Variants in SUCLG2 observed in about 807,000 individuals in gnomAD.
SUCLG2 encodes the protein succinate-CoA ligase GDP-forming subunit beta.
SUCLG2 carries 42 observed loss-of-function variants against 47.9 expected under a neutral mutation model. That is an observed-to-expected ratio of 0.88 (90% CI 0.69 to 1.14). The LOEUF (loss-of-function observed/expected upper bound fraction) is 1.14, where lower values mean the gene tolerates loss of function less well. SUCLG2 is among the 50% of genes most tolerant of loss of function. The pLI is 0.00. For missense variants in SUCLG2, 571 were observed against 525.9 expected, an observed-to-expected ratio of 1.09 and a Z score of -0.84; for synonymous variants, 195 against 197.3, an observed-to-expected ratio of 0.99 and a Z score of 0.10.
At chr3:67,409,006 C>T (rs1311885499) in intron 9 of SUCLG2, 14 of 1,535,142 alleles carry the variant, frequency 9.1e-6, no homozygotes, top group Non-Finnish European at 1.2e-5. Flanking sequence ...TTCTGGTGCC[C>T]AAGTATTTCT....
At chr3:67,511,802 T>A (rs1406339081) in intron 6 of SUCLG2, among the ~76,000 whole-genome samples, 1 of 151,192 alleles carries the variant, frequency 6.6e-6, no homozygotes, top group Non-Finnish European at 1.5e-5. Flanking sequence ...TCTATTGAGA[T>A]TTTGGTCCCT....
chr3:67,469,282 C>T (rs1704545650), intron 9 of SUCLG2, among the ~76,000 whole-genome samples: 1 of 152,154 alleles, frequency 6.6e-6, no homozygotes, highest in Admixed American at 6.5e-5. Flanking sequence ...TTTGTGGCCA[C>T]TGTGACTGTC....
chr3:67,520,663 A>T (rs748225393), intron 4 of SUCLG2, 29 bp from the exon 5 acceptor site: 2 of 1,588,832 alleles, frequency 1.3e-6, no homozygotes, highest in South Asian at 2.3e-5. Context: ...AGTCAAATTA[A>T]TTCAGCATTA....
chr3:67,527,579 G>A (rs1266286895), intron 4 of SUCLG2, among the ~76,000 whole-genome samples: 1 of 152,090 alleles, frequency 6.6e-6, no homozygotes. Context: ...TTTCCTCTGG[G>A]CTTTATTTTC....
intron 9 of SUCLG2, among the ~76,000 whole-genome samples, chr3:67,455,728 A>G (rs1196872219): frequency 6.6e-6 from 1 of 152,146 alleles, no homozygotes; most frequent in African/African-American, 2.4e-5. Flanking sequence ...CTTAGGGAAT[A>G]TGGCAGAGAA....
chr3:67,603,741 T>A (rs2107302108), intron 2 of SUCLG2, among the ~76,000 whole-genome samples: 1 of 152,354 alleles, frequency 6.6e-6, no homozygotes, highest in South Asian at 2.1e-4. Flanking sequence ...ATCCTAGATA[T>A]GTTTCATCTA....
chr3:67,442,261 C>T (rs569008939), intron 9 of SUCLG2, among the ~76,000 whole-genome samples: 4 of 152,246 alleles, frequency 2.6e-5, no homozygotes, highest in Non-Finnish European at 4.4e-5. Flanking sequence ...CCGCCCGCCT[C>T]GGCCTCCCAA....
intron 9 of SUCLG2, among the ~76,000 whole-genome samples, chr3:67,442,097 A>G (rs6548547): frequency 0.56 from 75,519 of 134,324 alleles, 21,262 homozygotes; most frequent in Non-Finnish European, 0.61. Flanking sequence ...TGCAAGCTCC[A>G]CCTCCCGGGT....
intron 10 of SUCLG2, among the ~76,000 whole-genome samples, chr3:67,381,414 C>T (rs974232718): frequency 6.6e-6 from 1 of 152,108 alleles, no homozygotes; most frequent in African/African-American, 2.4e-5. Context: ...CCTCTCCCTG[C>T]CTTTACTTCT....
At chr3:67,609,341 G>A (rs562905261) in intron 2 of SUCLG2, 114 bp downstream of exon 2, 12 of 1,264,056 alleles carry the variant, frequency 9.5e-6, no homozygotes, top group South Asian at 7.2e-5. Context: ...GCTCTCCCCT[G>A]TATCTGTCCC....
Position 67,610,491 on chromosome 3 carries a change from C to T in SUCLG2, c.85-895G>A, listed in dbSNP as rs1401618803. ...AGTATTCCCTACCAAATCTGTAAGCCCCATTTTTAAAAGAAGGAAAAAAAA... is the reference window on the plus strand; with the variant it reads ...AGTATTCCCTACCAAATCTGTAAGCTCCATTTTTAAAAGAAGGAAAAAAAA... On this transcript the variant is annotated intron_variant, in intron 1 of 10. Coordinates refer to ENST00000307227, the MANE Select transcript of SUCLG2 (RefSeq NM_003848.4). Among the ~76,000 whole-genome samples, 5 of 151,310 alleles carry T rather than the reference C, an allele frequency of 3.3e-5. No homozygotes were observed. The East Asian group carries it at 9.6e-4, about 29-fold the overall frequency.
intron 2 of SUCLG2, among the ~76,000 whole-genome samples, chr3:67,590,653 G>A (rs1036256388): frequency 2.0e-5 from 3 of 152,132 alleles, no homozygotes; most frequent in African/African-American, 4.8e-5. Flanking sequence ...CCCAGAAGCC[G>A]AGCAGATGCT....
intron 9 of SUCLG2, among the ~76,000 whole-genome samples, chr3:67,488,128 A>G (rs547897537): frequency 6.6e-6 from 1 of 151,836 alleles, no homozygotes; most frequent in African/African-American, 2.4e-5. Flanking sequence ...TATATTTTTT[A>G]AAAAGGTATA....
intron 6 of SUCLG2, among the ~76,000 whole-genome samples, chr3:67,517,156 T>C (rs1370888099): frequency 2.6e-5 from 4 of 152,222 alleles, no homozygotes; most frequent in African/African-American, 7.2e-5. Flanking sequence ...CTTCAATCTT[T>C]TGCTTTCAAA....
chr3:67,555,998 T>A (rs2107205183), intron 2 of SUCLG2, among the ~76,000 whole-genome samples: 1 of 152,320 alleles, frequency 6.6e-6, no homozygotes, highest in African/African-American at 2.4e-5. Context: ...TTCTATGGCA[T>A]TTTCCCCGAG....
At chr3:67,585,630 C>G (rs1349290807) in intron 2 of SUCLG2, among the ~76,000 whole-genome samples, 1 of 152,116 alleles carries the variant, frequency 6.6e-6, no homozygotes, top group African/African-American at 2.4e-5. Context: ...CATGCTGATG[C>G]TTCTCCCAGC....
chr3:67,621,481 T>G (rs1700735891), intron 1 of SUCLG2, among the ~76,000 whole-genome samples: 1 of 152,198 alleles, frequency 6.6e-6, no homozygotes. Context: ...CCTTATAGTT[T>G]GAATGTTTCT....
At chr3:67,484,998 C>A (rs561508995) in intron 9 of SUCLG2, among the ~76,000 whole-genome samples, 1 of 152,260 alleles carries the variant, frequency 6.6e-6, no homozygotes, top group East Asian at 1.9e-4. Flanking sequence ...AGTACCAAGT[C>A]TCATTCTTGA....
intron 9 of SUCLG2, among the ~76,000 whole-genome samples, chr3:67,441,597 A>C (rs1249850983): frequency 2.6e-5 from 4 of 152,142 alleles, no homozygotes; most frequent in Admixed American, 6.5e-5. Context: ...TGTATTTCCA[A>C]CCCTCAAAAA....
Sources: allele counts gnomAD v4.1 joint callset (sites outside exome capture counted in the v4.1 genomes callset), GRCh38; gene constraint gnomAD v4.1.1; transcripts MANE v1.5; gene names NCBI Gene and HGNC (gene_info 2026-07-23, HGNC 2026-07-21).